Variants in TRAPPC9 observed in about 807,000 individuals in gnomAD.
TRAPPC9 encodes the protein IKK2 binding protein.
In TRAPPC9, 83 loss-of-function variants were observed where a neutral mutation model predicts 124.0. The ratio of observed to expected loss-of-function variants is 0.67; its 90% CI spans 0.56 to 0.80. The LOEUF is 0.80. Among genes scored for constraint, TRAPPC9 ranks in the 30% least tolerant of loss-of-function variants. The pLI, the probability that TRAPPC9 is intolerant of heterozygous loss-of-function variation, is 0.00. For synonymous variants in TRAPPC9, 638 were observed against 617.5 expected (o/e 1.03, Z -0.49); for missense variants, 1,302 against 1,508.3 (o/e 0.86, Z 2.27).
intron 16 of TRAPPC9, among the ~76,000 whole-genome samples, chr8:140,233,503 C>G (rs1206603085): frequency 6.6e-6 from 1 of 151,940 alleles, no homozygotes; most frequent in Non-Finnish European, 1.5e-5. Context: ...CGTGCCCAGC[C>G]TCAAGGACTA....
chr8:139,964,168 G>C (rs778841629), intron 19 of TRAPPC9, among the ~76,000 whole-genome samples: 1 of 147,132 alleles, frequency 6.8e-6, no homozygotes, highest in Non-Finnish European at 1.5e-5. Context: ...AGCTTGCAGT[G>C]AGCAGAGATC....
At chr8:140,065,623 T>C (rs1842862421) in intron 17 of TRAPPC9, among the ~76,000 whole-genome samples, 1 of 152,272 alleles carries the variant, frequency 6.6e-6, no homozygotes, top group African/African-American at 2.4e-5. Flanking sequence ...CTACTCAGCC[T>C]GTGCTTTTAA....
At chr8:140,309,993 G>C (rs1452286224) in intron 10 of TRAPPC9, among the ~76,000 whole-genome samples, 14 of 152,062 alleles carry the variant, frequency 9.2e-5, no homozygotes, top group Admixed American at 9.2e-4. Context: ...GCCTGCCAGG[G>C]GCTGCAATGC....
At chr8:140,017,632 C>T (rs1009314968) in intron 18 of TRAPPC9, among the ~76,000 whole-genome samples, 2 of 152,194 alleles carry the variant, frequency 1.3e-5, no homozygotes, top group South Asian at 2.1e-4. Context: ...TATAGCTTTA[C>T]ATTGTCTTAA....
intron 6 of TRAPPC9, among the ~76,000 whole-genome samples, chr8:140,402,806 G>A (rs1327224297): frequency 6.6e-6 from 1 of 151,850 alleles, no homozygotes; most frequent in East Asian, 1.9e-4. Flanking sequence ...GGAATGAAAA[G>A]TTAATATGTG....
intron 9 of TRAPPC9, among the ~76,000 whole-genome samples, chr8:140,314,657 G>T (rs555001632): frequency 4.6e-4 from 70 of 152,198 alleles, no homozygotes; most frequent in Middle Eastern, 6.8e-3. Context: ...TGAGACAAAC[G>T]TTTAAAAATT....
intron 9 of TRAPPC9, among the ~76,000 whole-genome samples, chr8:140,342,652 C>G (rs1477480195): frequency 6.6e-6 from 1 of 152,120 alleles, no homozygotes; most frequent in Non-Finnish European, 1.5e-5. Context: ...CATACCTTCT[C>G]CCCAGCCCAG....
chr8:140,432,613 C>A (rs2070683040), intron 4 of TRAPPC9, among the ~76,000 whole-genome samples: 1 of 152,234 alleles, frequency 6.6e-6, no homozygotes, highest in Non-Finnish European at 1.5e-5. Flanking sequence ...TGGCTCACGC[C>A]TGTAATCCCA....
chr8:140,014,411 T>C (rs1357820677), intron 18 of TRAPPC9, among the ~76,000 whole-genome samples: 3 of 152,198 alleles, frequency 2.0e-5, no homozygotes, highest in South Asian at 2.1e-4. Context: ...CTGAGACCTA[T>C]GTACTCCCTG....
intron 19 of TRAPPC9, among the ~76,000 whole-genome samples, chr8:139,971,814 TATAC>T (rs1836115895): frequency 6.8e-6 from 1 of 146,840 alleles, no homozygotes; most frequent in Non-Finnish European, 1.5e-5. Context: ...CATATATATA[TATAC>T]ACACACACAC....
chr8:139,988,936 G>A (rs1460665065), intron 18 of TRAPPC9, 100 bp from the exon 19 acceptor site: 7 of 804,412 alleles, frequency 8.7e-6, no homozygotes, highest in African/African-American at 1.7e-5. Flanking sequence ...ACTTAAGAAG[G>A]GCAAAGTATA....
rs115045609 is a variant in TRAPPC9, at chr8:139,969,358, G to T, written c.2810+19368C>A. ...TCTCAAAGCCACTGTCCTTTTAATA[G>T]CCGCATCTGCAGCGCCTGGTGCGTG... On this transcript the variant is annotated intron_variant, in intron 19 of 22. Transcript: ENST00000438773. Among the ~76,000 whole-genome samples the T allele has an allele frequency of 4.9e-3, 748 of 152,324 alleles. 3 individuals are homozygous for T. Among genetic ancestry groups the T allele is most frequent in the African/African-American group, 0.016 (678 of 41,566 alleles).
At chr8:139,879,351 G>A (rs1829539661) in intron 21 of TRAPPC9, among the ~76,000 whole-genome samples, 1 of 152,212 alleles carries the variant, frequency 6.6e-6, no homozygotes, top group Non-Finnish European at 1.5e-5. Context: ...TGTGGACCCT[G>A]CACCACACGT....
chr8:139,809,248 C>T (rs1109797), intron 21 of TRAPPC9, among the ~76,000 whole-genome samples: 7,709 of 152,306 alleles, frequency 0.051, 356 homozygotes, highest in East Asian at 0.12. Flanking sequence ...CTTCACAGTA[C>T]AGTCCTGTCC....
intron 19 of TRAPPC9, among the ~76,000 whole-genome samples, chr8:139,963,999 T>C (rs1054867701): frequency 1.3e-5 from 2 of 151,444 alleles, no homozygotes; most frequent in African/African-American, 2.4e-5. Context: ...CCGAGGCGGG[T>C]GGATCACGAG....
chr8:140,188,540 G>C (rs899469716), intron 17 of TRAPPC9, among the ~76,000 whole-genome samples: 1 of 152,056 alleles, frequency 6.6e-6, no homozygotes, highest in Non-Finnish European at 1.5e-5. Flanking sequence ...TCTGCTCCCT[G>C]CAAAACTCCA....
At chr8:139,874,071 C>A (rs891174221) in intron 21 of TRAPPC9, among the ~76,000 whole-genome samples, 1 of 152,230 alleles carries the variant, frequency 6.6e-6, no homozygotes, top group African/African-American at 2.4e-5. Flanking sequence ...CAGGCACGCA[C>A]GCTGCACCAG....
intron 13 of TRAPPC9, 127 bp from the exon 14 acceptor site, chr8:140,284,148 C>T (rs1286953442): frequency 1.0e-5 from 13 of 1,262,660 alleles, no homozygotes; most frequent in African/African-American, 1.5e-5. Flanking sequence ...GCCCGGGGCC[C>T]GCCGGCGCTC....
In TRAPPC9 at chr8:139,742,007, C is replaced by G. The variant is rs1351188354; in HGVS notation, c.3056-9805G>C. On this transcript the variant is annotated intron_variant, in intron 21 of 22. Transcript: ENST00000438773. The surrounding 1 kb of genome is among the most constrained non-coding windows in gnomAD (Gnocchi z 4.7). ...TTATGGAGAAGATTTTGTGTGGACA[C>G]AGGTTATTATTTCTCATGGGTGTAC... 2.6e-5 allele frequency among the ~76,000 whole-genome samples: 4 copies of G among 152,190 alleles called. No homozygotes were observed. The highest frequency in any genetic ancestry group is 9.6e-5 in the African/African-American group (4 of 41,456).
Sources: allele counts gnomAD v4.1 joint callset (sites outside exome capture counted in the v4.1 genomes callset), GRCh38; gene constraint gnomAD v4.1.1; non-coding constraint Gnocchi (gnomAD v3.1); transcripts MANE v1.5; gene names NCBI Gene and HGNC (gene_info 2026-07-23, HGNC 2026-07-21).